SCAPER: variants seen among roughly 807,000 people sequenced by gnomAD.
SCAPER encodes the protein S phase cyclin A-associated protein in the endoplasmic reticulum.
A neutral mutation model predicts 182.2 loss-of-function variants in SCAPER; 98 were observed. That is an observed-to-expected ratio of 0.54 (90% CI 0.46 to 0.64). The LOEUF (loss-of-function observed/expected upper bound fraction) is 0.64. Among genes scored for constraint, SCAPER ranks in the 30% least tolerant of loss-of-function variants. The pLI, the probability that SCAPER is intolerant of heterozygous loss-of-function variation, is 0.00. For missense variants in SCAPER, 1,432 were observed against 1,690.0 expected (o/e 0.85, Z 2.68); for synonymous variants, 605 against 564.6 (o/e 1.07, Z -1.01).
intron 23 of SCAPER, among the ~76,000 whole-genome samples, chr15:76,506,621 T>G (rs2041608361): frequency 6.6e-6 from 1 of 152,056 alleles, no homozygotes; most frequent in Non-Finnish European, 1.5e-5. Context: ...GAAGAAGCAC[T>G]CCAGGCAAAG....
Position 76,781,524 on chromosome 15 carries a change from A to G in SCAPER, c.773-6407T>C, listed in dbSNP as rs1385093041. On this transcript the variant is annotated intron_variant, in intron 8 of 31. Coordinates refer to ENST00000563290, the MANE Select transcript of SCAPER (RefSeq NM_020843.4). ...GCAAGACAGGCCAACATTCAACTTCAGGAACTACAGAGAATACCATGAACA... is the reference window on the plus strand; with the variant it reads ...GCAAGACAGGCCAACATTCAACTTCGGGAACTACAGAGAATACCATGAACA... Among the ~76,000 whole-genome samples, 3 of 152,216 alleles carry G rather than the reference A, an allele frequency of 2.0e-5. No individual in the cohort carries two copies. The East Asian group carries it at 5.8e-4, about 29-fold the overall frequency.
At chr15:76,883,521 G>A (rs145055058) in intron 2 of SCAPER, among the ~76,000 whole-genome samples, 51 of 152,312 alleles carry the variant, frequency 3.3e-4, no homozygotes, top group African/African-American at 1.1e-3. Flanking sequence ...CAGGCTGTTA[G>A]CATCCATTGA....
intron 27 of SCAPER, among the ~76,000 whole-genome samples, chr15:76,391,306 C>T (rs2043678052): frequency 1.3e-5 from 2 of 152,146 alleles, no homozygotes; most frequent in Non-Finnish European, 1.5e-5. Context: ...GCTATATTAC[C>T]AGGCTTTATT....
intron 22 of SCAPER, among the ~76,000 whole-genome samples, chr15:76,598,086 A>T (rs2049638717): frequency 8.4e-6 from 1 of 119,306 alleles, no homozygotes; most frequent in South Asian, 2.6e-4. Flanking sequence ...ATCTACAAGG[A>T]ACTTAAAACA....
At chr15:76,363,874 G>T (rs2041624776) in intron 29 of SCAPER, among the ~76,000 whole-genome samples, 2 of 152,220 alleles carry the variant, frequency 1.3e-5, no homozygotes, top group Non-Finnish European at 2.9e-5. Context: ...CGAGGCCAGT[G>T]CAAGAGCCAA....
chr15:76,570,381 ACTT>A (rs2047353049), intron 23 of SCAPER, among the ~76,000 whole-genome samples: 1 of 151,882 alleles, frequency 6.6e-6, no homozygotes, highest in Admixed American at 6.6e-5. Context: ...ACTCATGTCC[ACTT>A]CTTTTTGATC....
intron 22 of SCAPER, among the ~76,000 whole-genome samples, chr15:76,614,673 G>A (rs2051297042): frequency 6.6e-6 from 1 of 151,612 alleles, no homozygotes; most frequent in Non-Finnish European, 1.5e-5. Context: ...TGAAAGAAGG[G>A]GGACATTTAT....
At chr15:76,620,998 A>G (rs553374623) in intron 22 of SCAPER, among the ~76,000 whole-genome samples, 1 of 152,324 alleles carries the variant, frequency 6.6e-6, no homozygotes, top group African/African-American at 2.4e-5. Context: ...CATGTACTGC[A>G]GAACTTAAAA....
In SCAPER at chr15:76,673,659, T is replaced by C. The variant is rs560466743; in HGVS notation, c.2509-7870A>G. Among the ~76,000 whole-genome samples the C allele has an allele frequency of 5.3e-5, 8 of 152,230 alleles. No homozygotes were observed. The East Asian group carries it at 1.2e-3, about 22-fold the overall frequency. ...CTTCATTTCCTAATTCTGTTCACAATGATCAACCCAGTAGCAATGAGCATC... is the reference window on the plus strand; with the variant it reads ...CTTCATTTCCTAATTCTGTTCACAACGATCAACCCAGTAGCAATGAGCATC... On this transcript the variant is annotated intron_variant, in intron 20 of 31. Coordinates refer to ENST00000563290, the MANE Select transcript of SCAPER (RefSeq NM_020843.4).
intron 21 of SCAPER, among the ~76,000 whole-genome samples, chr15:76,638,575 G>A (rs563563446): frequency 2.0e-5 from 3 of 152,190 alleles, no homozygotes; most frequent in African/African-American, 7.2e-5. Flanking sequence ...TTGAACAGAT[G>A]TATGTTTTTT....
chr15:76,828,229 A>G (rs2068169419), intron 5 of SCAPER, among the ~76,000 whole-genome samples: 1 of 150,282 alleles, frequency 6.7e-6, no homozygotes, highest in Admixed American at 6.6e-5. Flanking sequence ...ATATTTATAT[A>G]ATATATAATT....
At position 76,771,767 on chromosome 15, in the gene SCAPER, T is replaced by C; in HGVS notation, c.1223A>G (p.Glu408Gly). ...FPAEKARIEN[E>G]MDPSDISNSM... is the part of the protein sequence containing the mutation. ...ATTTGAAATATCTGAAGGGTCCATT[T>C]CATTTTCTATCCTTGCTTTCTCTGC... Residue 408 changes from glutamate to glycine, a missense_variant, in exon 10 of 32, where the codon GAA becomes GGA. This residue lies in a region of SCAPER where 480 missense variants were observed against 510.2 expected (regional missense o/e 0.94). Transcript: ENST00000563290. The C allele has an allele frequency of 6.2e-7, 1 of 1,613,062 alleles. No homozygotes were observed. The highest frequency in any genetic ancestry group is 1.7e-4 in the Middle Eastern group (1 of 6,058).
chr15:76,396,439 C>G (rs1567054981), intron 27 of SCAPER, among the ~76,000 whole-genome samples: 1 of 152,128 alleles, frequency 6.6e-6, no homozygotes, highest in Non-Finnish European at 1.5e-5. Context: ...AACAATATTG[C>G]TGCTTCCAAT....
intron 23 of SCAPER, among the ~76,000 whole-genome samples, chr15:76,526,679 G>T (rs529847246): frequency 1.3e-5 from 2 of 151,834 alleles, no homozygotes; most frequent in South Asian, 4.2e-4. Context: ...TTCCAGTCTA[G>T]ATTTTTTTTC....
chr15:76,367,821 C>T (rs534535183), intron 29 of SCAPER, among the ~76,000 whole-genome samples: 40 of 152,190 alleles, frequency 2.6e-4, no homozygotes, highest in African/African-American at 8.4e-4. Flanking sequence ...CAAATTTCTC[C>T]GTTCTTATGT....
intron 25 of SCAPER, among the ~76,000 whole-genome samples, chr15:76,436,916 A>G (rs1456556467): frequency 1.3e-5 from 2 of 152,224 alleles, no homozygotes; most frequent in African/African-American, 4.8e-5. Context: ...ATTTCATGAC[A>G]CAGAATGAAA....
At chr15:76,887,139 C>T (rs889740271) in intron 1 of SCAPER, among the ~76,000 whole-genome samples, 1 of 152,102 alleles carries the variant, frequency 6.6e-6, no homozygotes, top group Non-Finnish European at 1.5e-5. Flanking sequence ...GCACTTGTAC[C>T]CCTGAACTTA....
rs144364455 is a variant in SCAPER, at chr15:76,824,611, T to G, written c.393+17123A>C. On this transcript the variant is annotated intron_variant, in intron 5 of 31. Transcript: ENST00000563290. ...AACATCTTATCTAGTTTTTTGAATG[T>G]TACTACTGGAATAAATAGTTCAACA... is the stretch of plus-strand genomic sequence containing the variant. Among the ~76,000 whole-genome samples, 485 of 152,346 alleles carry G rather than the reference T, an allele frequency of 3.2e-3. 5 individuals are homozygous for G. Among genetic ancestry groups the G allele is most frequent in the African/African-American group, 0.011 (463 of 41,572 alleles).
intron 22 of SCAPER, 111 bp downstream of exon 22, chr15:76,621,653 C>T: frequency 1.1e-6 from 1 of 904,536 alleles, no homozygotes; most frequent in Admixed American, 2.5e-5. Flanking sequence ...GAATGCTGTT[C>T]TAGAAATTAG....
Sources: gnomAD v4.1 joint callset for allele counts (sites outside exome capture counted in the v4.1 genomes callset) on GRCh38, gnomAD v4.1.1 for gene constraint, gnomAD v4.1.1 regional missense constraint, MANE v1.5 for transcripts, NCBI Gene and HGNC (gene_info 2026-07-23, HGNC 2026-07-21) for gene names.